The following TM2D3 variants were observed in gnomAD, a reference collection of about 807,000 sequenced individuals.
TM2D3 encodes the protein TM2 domain containing 3.
Under a neutral mutation model 27.3 loss-of-function variants are expected in TM2D3, and 33 were observed. That is an observed-to-expected ratio of 1.21 (90% CI 0.92 to 1.61). The LOEUF is 1.61. TM2D3 is among the 40% of genes most tolerant of loss of function. The pLI, the probability that TM2D3 is intolerant of heterozygous loss-of-function variation, is 0.00. For missense variants in TM2D3, 364 were observed against 320.8 expected (o/e 1.13, Z -1.03); for synonymous variants, 138 against 122.2 (o/e 1.13, Z -0.85).
chr15:101,652,316 G>C lies in TM2D3; in HGVS notation c.46C>G (p.Arg16Gly), dbSNP rs765443343. ...LPLRGLRALC[R>G]VLLFLSQFCI... The stretch of plus-strand genomic sequence containing the variant: ...AACTGCGAGAGGAAGAGCAGCACGC[G>C]ACACAAGGCGCGGAGGCCCCTCAGC... Residue 16 changes from arginine (R) to glycine (G), a missense_variant, in exon 1 of 6, where the codon CGC becomes GGC. Arg to Gly is a moderately radical substitution (Grantham distance 125, BLOSUM62 -2). Transcript: ENST00000333202. The C allele has an allele frequency of 1.2e-6, 2 of 1,602,690 alleles. No individual in the cohort carries two copies. The highest frequency in any genetic ancestry group is 1.7e-6 in the Non-Finnish European group (2 of 1,175,288).
chr15:101,643,013 G>A (rs1204651767), intron 5 of TM2D3, among the ~76,000 whole-genome samples: 1 of 152,026 alleles, frequency 6.6e-6, no homozygotes, highest in Non-Finnish European at 1.5e-5. Context: ...GGACGACCTG[G>A]ATCAAGTCAT....
At position 101,642,424 on chromosome 15, in the gene TM2D3, T is replaced by G; in HGVS notation, c.*55A>C. 1 of 1,520,250 alleles carries G rather than the reference T, an allele frequency of 6.6e-7. No individual in the cohort carries two copies. The allele number at this position is 1,520,250 out of a possible 1,614,324, so 94.2% of individuals were successfully genotyped here. On this transcript the variant is annotated 3_prime_UTR_variant, in exon 6 of 6. Coordinates refer to ENST00000333202, the MANE Select transcript of TM2D3 (RefSeq NM_078474.3). Reference sequence around the variant, plus strand: ...ATATCACTCACACCACATCAACTCCTACGGACAAAAGGGCTTTTTCTAAGC... The same window carrying G: ...ATATCACTCACACCACATCAACTCCGACGGACAAAAGGGCTTTTTCTAAGC...
At chr15:101,644,288 AGG>A (rs1427295606) in intron 5 of TM2D3, among the ~76,000 whole-genome samples, 3 of 152,142 alleles carry the variant, frequency 2.0e-5, no homozygotes, top group Non-Finnish European at 4.4e-5. Context: ...TTTGTCCCCT[AGG>A]GGACACCTGG....
At chr15:101,644,952 A>T in intron 5 of TM2D3, 135 bp downstream of exon 5, 1 of 776,500 alleles carries the variant, frequency 1.3e-6, no homozygotes, top group Non-Finnish European at 2.1e-6. Flanking sequence ...AAACTCTTCC[A>T]GCTGTTTGCT....
At chr15:101,637,110 G>A (rs1896568443), downstream of TM2D3, among the ~76,000 whole-genome samples, 1 of 152,208 alleles carries the variant, frequency 6.6e-6, no homozygotes. Context: ...ATCTGGAAAG[G>A]CAGGACAGCT....
chr15:101,638,331 G>T (rs1233779820), downstream of TM2D3, among the ~76,000 whole-genome samples: 1 of 149,988 alleles, frequency 6.7e-6, no homozygotes, highest in Non-Finnish European at 1.5e-5. Flanking sequence ...TTTCGCTCTT[G>T]TTGCCCAGGC....
chr15:101,652,043 C>T, intron 1 of TM2D3: 2 of 558,982 alleles, frequency 3.6e-6, no homozygotes, highest in Non-Finnish European at 6.2e-6. Flanking sequence ...ATCTCCGTGC[C>T]AGGGCTCCGC....
intron 3 of TM2D3, among the ~76,000 whole-genome samples, chr15:101,649,061 A>G (rs555743898): frequency 7.9e-4 from 121 of 152,340 alleles, no homozygotes; most frequent in African/African-American, 2.8e-3. Flanking sequence ...TTGCCAATCT[A>G]AGGGTTAAAA....
downstream of TM2D3, among the ~76,000 whole-genome samples, chr15:101,639,949 T>A (rs1354768228): frequency 1.3e-5 from 2 of 152,120 alleles, no homozygotes; most frequent in Non-Finnish European, 2.9e-5. Context: ...CCGTGAGGCA[T>A]TACTGGGGTA....
rs770976224 is a variant in TM2D3 at position 101,652,336 on chromosome 15, C to G, written c.26G>C (p.Arg9Thr). The G allele has an allele frequency of 9.4e-6, 15 of 1,601,658 alleles. No individual in the cohort carries two copies. Among genetic ancestry groups the G allele is most frequent in the Non-Finnish European group, 1.3e-5 (15 of 1,174,984 alleles). The change falls in exon 1 of 6, where the codon AGG becomes ACG. Residue 9 changes from arginine (R) to threonine (T), a missense_variant. Coordinates refer to ENST00000333202, the MANE Select transcript of TM2D3 (RefSeq NM_078474.3). MAGGVLPL[R>T]GLRALCRVLL... ...CACGCGACACAAGGCGCGGAGGCCC[C>G]TCAGCGGGAGCACCCCTCCCGCCAT...
intron 4 of TM2D3, chr15:101,633,863 G>T: frequency 1.5e-6 from 1 of 682,442 alleles, no homozygotes. Context: ...GAGAAGAGAT[G>T]ATCAAAAGGT....
chr15:101,633,539 C>G (rs1268378959), exon 5 of TM2D3: 2 of 624,220 alleles, frequency 3.2e-6, no homozygotes, highest in Non-Finnish European at 5.2e-6. Context: ...CCTGAATAAG[C>G]AGTTCCTATC....
At chr15:101,637,988 CTA>C (rs1896584794), downstream of TM2D3, among the ~76,000 whole-genome samples, 1 of 152,182 alleles carries the variant, frequency 6.6e-6, no homozygotes, top group African/African-American at 2.4e-5. Context: ...TCAGCTGAGA[CTA>C]TATCTTTGCT....
At chr15:101,651,606 C>A (rs957273837) in intron 2 of TM2D3, 90 bp downstream of exon 2, 1 of 1,286,040 alleles carries the variant, frequency 7.8e-7, no homozygotes, top group African/African-American at 1.5e-5. Context: ...TGGAAAGTGA[C>A]TTCGTATACT....
In TM2D3 at chr15:101,650,190, T is replaced by C. The variant is rs1896932477; in HGVS notation, c.170-29A>G. 2.5e-6 allele frequency: 4 copies of C among 1,606,772 alleles called. No homozygotes were observed. The East Asian group carries it at 8.9e-5, about 36-fold the overall frequency. On this transcript the variant is annotated intron_variant, in intron 2 of 5. Coordinates refer to ENST00000333202, the MANE Select transcript of TM2D3 (RefSeq NM_078474.3). ...TGAGAGGCAAGAGAGAAGCTTATTC[T>C]CCTATAATACTGATTCGAATAACAG...
chr15:101,638,549 C>A (rs1238753680), downstream of TM2D3, among the ~76,000 whole-genome samples: 1 of 152,138 alleles, frequency 6.6e-6, no homozygotes, highest in East Asian at 1.9e-4. Context: ...CTGCCCGCCT[C>A]GGACTCTCAA....
intron 3 of TM2D3, among the ~76,000 whole-genome samples, chr15:101,648,925 G>A (rs1423385971): frequency 6.6e-6 from 1 of 152,156 alleles, no homozygotes; most frequent in Non-Finnish European, 1.5e-5. Flanking sequence ...TTGTGTGCAT[G>A]TGTAAGTTTA....
At chr15:101,648,374 G>C (rs1010596602) in intron 3 of TM2D3, 4 of 152,194 alleles carry the variant, frequency 2.6e-5, no homozygotes, top group African/African-American at 4.8e-5. Flanking sequence ...TATGGGTAAG[G>C]CATCACTTGA....
intron 5 of TM2D3, among the ~76,000 whole-genome samples, chr15:101,642,851 C>T (rs1453462231): frequency 6.6e-6 from 1 of 152,140 alleles, no homozygotes; most frequent in Admixed American, 6.5e-5. Flanking sequence ...AGTAAACATA[C>T]AATTTTTAGC....
Sources: allele counts gnomAD v4.1 joint callset (sites outside exome capture counted in the v4.1 genomes callset), GRCh38; gene constraint gnomAD v4.1.1; transcripts MANE v1.5; gene names NCBI Gene and HGNC (gene_info 2026-07-23, HGNC 2026-07-21).